Variants in SRGAP2B observed in about 807,000 individuals in gnomAD.
SRGAP2B encodes the protein SLIT-ROBO Rho GTPase activating protein 2B, also known as SLIT-ROBO Rho GTPase-activating protein 2B.
A neutral mutation model predicts 22.2 loss-of-function variants in SRGAP2B; 9 were observed. That is an observed-to-expected ratio of 0.41 (90% CI 0.24 to 0.71). The LOEUF (loss-of-function observed/expected upper bound fraction) is 0.71, where lower values mean the gene tolerates loss of function less well. Among genes scored for constraint, SRGAP2B ranks in the 30% least tolerant of loss-of-function variants. The pLI, the probability that SRGAP2B is intolerant of heterozygous loss-of-function variation, is 0.35. For missense variants in SRGAP2B, 114 were observed against 235.8 expected (o/e 0.48, Z 3.38); for synonymous variants, 36 against 87.4 (o/e 0.41, Z 3.28).
intron 3 of SRGAP2B, among the ~76,000 whole-genome samples, chr1:144,994,649 C>T (rs1261705188): frequency 6.9e-6 from 1 of 145,314 alleles, no homozygotes; most frequent in African/African-American, 2.6e-5. Context: ...GCCCCTTAAC[C>T]TTTTTATGCC....
intron 4 of SRGAP2B, among the ~76,000 whole-genome samples, chr1:144,951,118 G>A (rs4844717): frequency 0.013 from 1,383 of 107,956 alleles, no homozygotes; most frequent in East Asian, 0.035. Context: ...AAAGCGCTGC[G>A]ATTACAGGCG....
rs1472628002 is a variant in SRGAP2B, at chr1:144,992,089, C to T, written c.260+2919G>A. 8.0e-5 allele frequency among the ~76,000 whole-genome samples: 12 copies of T among 150,338 alleles called. 1 individual carries two copies. The highest frequency in any genetic ancestry group is 4.6e-4 in the Admixed American group (7 of 15,134). ...GAGCCCAGCGAGACCACAAGCCCACCGGGAGGAACGAACAACTCCAGACGC... is the reference window on the plus strand; with the variant it reads ...GAGCCCAGCGAGACCACAAGCCCACTGGGAGGAACGAACAACTCCAGACGC... On this transcript the variant is annotated intron_variant, in intron 3 of 9. Transcript: ENST00000612199.
intron 2 of SRGAP2B, among the ~76,000 whole-genome samples, chr1:145,019,880 C>T (rs1288345299): frequency 1.3e-5 from 2 of 150,864 alleles, no homozygotes; most frequent in African/African-American, 2.5e-5. Context: ...CCTTTTCCGC[C>T]TCATTCCCAC....
At chr1:144,894,172 CCT>C in intron 8 of SRGAP2B, among the ~76,000 whole-genome samples, 1 of 67,130 alleles carries the variant, frequency 1.5e-5, no homozygotes, top group East Asian at 4.2e-4. Context: ...TTAGCTTTCC[CCT>C]GTGTGAAGGA....
chr1:145,089,645 G>C (rs1653790938), intron 2 of SRGAP2B, among the ~76,000 whole-genome samples: 2 of 139,090 alleles, frequency 1.4e-5, no homozygotes, highest in Non-Finnish European at 3.1e-5. Flanking sequence ...ATGTCCAGAG[G>C]GTTTAAGTGA....
intron 4 of SRGAP2B, among the ~76,000 whole-genome samples, chr1:144,922,481 T>G (rs1664326311): frequency 6.9e-6 from 1 of 144,628 alleles, no homozygotes; most frequent in South Asian, 2.2e-4. Flanking sequence ...CAGTAAGAAC[T>G]AAATGACTCT....
At chr1:144,888,899 A>G (rs1304263042) in exon 10 of SRGAP2B, 1 of 118,754 alleles carries the variant, frequency 8.4e-6, no homozygotes, top group Admixed American at 7.9e-5. Context: ...CGGCCTCCCA[A>G]AGTGCTGGGA....
intron 3 of SRGAP2B, among the ~76,000 whole-genome samples, chr1:144,970,587 T>C (rs1668434047): frequency 7.9e-6 from 1 of 126,768 alleles, no homozygotes; most frequent in Non-Finnish European, 1.6e-5. Context: ...GCATGGCACA[T>C]GTATACATAT....
rs57268593 is a variant in SRGAP2B at position 144,984,365 on chromosome 1, C to CAAAAA, written c.260+10638_260+10642dup. On this transcript the variant is annotated intron_variant, in intron 3 of 9. Transcript: ENST00000612199. Reference sequence around the variant, plus strand: ...ACAACAACAACAACAACAACAACAACAAAAAAAAAAAAACAAAAAAGCCCC... The same window carrying CAAAAA: ...ACAACAACAACAACAACAACAACAACAAAAAAAAAAAAAAAAAACAAAAAAGCCCC... Among the ~76,000 whole-genome samples, 95 of 126,424 alleles carry CAAAAA rather than the reference C, an allele frequency of 7.5e-4. 2 individuals are homozygous for CAAAAA. The highest frequency in any genetic ancestry group is 2.7e-3 in the East Asian group (12 of 4,410). 82.9% of individuals were successfully genotyped at this position (126,424 alleles called of 152,430 possible).
chr1:145,002,950 C>A (rs1326810464), intron 2 of SRGAP2B, among the ~76,000 whole-genome samples: 1 of 150,120 alleles, frequency 6.7e-6, no homozygotes, highest in African/African-American at 2.5e-5. Context: ...GAAATTTGGT[C>A]GAGCACAGTG....
intron 2 of SRGAP2B, among the ~76,000 whole-genome samples, chr1:144,999,922 A>AAAAGAGTG (rs1198402929): frequency 5.0e-4 from 75 of 149,312 alleles, no homozygotes; most frequent in South Asian, 2.1e-3. Flanking sequence ...TGTACACTTT[A>AAAAGAGTG]AAAGAGTGAA....
chr1:144,934,094 A>C (rs1397861142), intron 4 of SRGAP2B, among the ~76,000 whole-genome samples: 2 of 149,068 alleles, frequency 1.3e-5, no homozygotes, highest in African/African-American at 5.0e-5. Flanking sequence ...TGTTTAATAA[A>C]GTCAGCTATT....
intron 3 of SRGAP2B, among the ~76,000 whole-genome samples, chr1:144,966,552 C>G: frequency 6.8e-6 from 1 of 146,636 alleles, no homozygotes. Flanking sequence ...CAATTGTAAA[C>G]ACCATCGATG....
At chr1:144,960,337 C>T (rs1294025430) in intron 3 of SRGAP2B, among the ~76,000 whole-genome samples, 1 of 150,548 alleles carries the variant, frequency 6.6e-6, no homozygotes, top group Non-Finnish European at 1.5e-5. Context: ...TCATACTATA[C>T]CTGAGAGGGA....
chr1:144,991,248 G>A (rs1482469100), intron 3 of SRGAP2B, among the ~76,000 whole-genome samples: 47 of 144,032 alleles, frequency 3.3e-4, no homozygotes, highest in East Asian at 2.4e-3. Flanking sequence ...TAGTGAGGAC[G>A]TGGAGAACCT....
intron 2 of SRGAP2B, among the ~76,000 whole-genome samples, chr1:145,084,110 G>A (rs1259857749): frequency 1.1e-5 from 1 of 92,322 alleles, no homozygotes; most frequent in African/African-American, 4.4e-5. Context: ...TTTCACTCTT[G>A]TTGCCCAGGC....
intron 2 of SRGAP2B, among the ~76,000 whole-genome samples, chr1:145,059,076 CAT>C (rs1359372932): frequency 1.9e-5 from 2 of 103,330 alleles, no homozygotes; most frequent in Non-Finnish European, 3.9e-5. Context: ...CTGTTGCAGA[CAT>C]GTGGAAAAAC....
At chr1:144,909,586 C>CAA (rs1298848761) in intron 5 of SRGAP2B, among the ~76,000 whole-genome samples, 25 of 131,002 alleles carry the variant, frequency 1.9e-4, no homozygotes, top group African/African-American at 5.2e-4. Context: ...GACTCCATCT[C>CAA]AAAAAAAAAA....
At chr1:145,069,290 T>C (rs587614518) in intron 2 of SRGAP2B, among the ~76,000 whole-genome samples, 3 of 145,226 alleles carry the variant, frequency 2.1e-5, no homozygotes, top group African/African-American at 8.0e-5. Context: ...CTGCAGCCCC[T>C]TCCTTCTTTT....
Sources: allele counts gnomAD v4.1 joint callset (sites outside exome capture counted in the v4.1 genomes callset), GRCh38; gene constraint gnomAD v4.1.1; transcripts MANE v1.5; gene names NCBI Gene and HGNC (gene_info 2026-07-23, HGNC 2026-07-21).